The following COL9A3 variants were observed in gnomAD, a reference collection of about 807,000 sequenced individuals.
The protein encoded by COL9A3 is collagen alpha-3(IX) chain.
COL9A3 carries 82 observed loss-of-function variants against 110.2 expected under a neutral mutation model. The ratio of observed to expected loss-of-function variants is 0.74; its 90% confidence interval spans 0.62 to 0.89. The LOEUF is 0.89. Ranked by LOEUF, COL9A3 falls within the 40% of genes least tolerant of loss-of-function variation. The probability of loss-of-function intolerance (pLI) is 0.00; values close to 1 mark genes in which losing one functional copy is unlikely to be tolerated. For missense variants in COL9A3, 1,066 were observed against 981.3 expected, an observed-to-expected ratio of 1.09 and a Z score of -1.15; for synonymous variants, 494 against 403.8, an observed-to-expected ratio of 1.22 and a Z score of -2.68.
chr20:62,839,894 C>CA (rs2147233917), intron 31 of COL9A3, among the ~76,000 whole-genome samples: 1 of 152,282 alleles, frequency 6.6e-6, no homozygotes, highest in South Asian at 2.1e-4. Context: ...CTGGGTGCCC[C>CA]ATGCTCCTGG....
rs11554627 is a variant in COL9A3, at chr20:62,836,285, G to A, written c.1500G>A (p.Leu500=). ...CCGGGCCCCCCGGTCCTCTGGGCCT[G>A]CAGGGCGTCCCGGGTGTTCCTGGCA... is the stretch of plus-strand genomic sequence containing the variant. ...GVPGPPGPLG[L]QGVPGVPGIT... is the part of the protein sequence containing the mutation. Residue 500 remains leucine, a synonymous_variant, in exon 28 of 32, where the codon CTG becomes CTA. Transcript: ENST00000649368. 6 of 1,613,738 alleles carry A rather than the reference G, an allele frequency of 3.7e-6. No homozygotes were observed. Among genetic ancestry groups the A allele is most frequent in the Non-Finnish European group, 5.1e-6 (6 of 1,180,032 alleles).
chr20:62,832,008 T>G, intron 24 of COL9A3, 146 bp from the exon 25 acceptor site: 1 of 837,864 alleles, frequency 1.2e-6, no homozygotes, highest in South Asian at 1.4e-5. Context: ...CCTTTGGGCC[T>G]GTGTCTGGGA....
intron 25 of COL9A3, chr20:62,832,811 T>A: frequency 2.4e-6 from 1 of 416,088 alleles, no homozygotes; most frequent in East Asian, 8.4e-5. Context: ...CAAACAAATG[T>A]CTTCCGTTTT....
At chr20:62,831,077 A>G (rs2147218814) in intron 24 of COL9A3, 1 of 152,388 alleles carries the variant, frequency 6.6e-6, no homozygotes, top group East Asian at 2.0e-4. Context: ...CTCAAGAGCC[A>G]CGCCTGCTCC....
chr20:62,838,580 TG>T, intron 30 of COL9A3, 103 bp from the exon 31 acceptor site: 1 of 1,066,712 alleles, frequency 9.4e-7, no homozygotes, highest in Non-Finnish European at 1.4e-6. Flanking sequence ...TCCACTTCAG[TG>T]AAAAGCTGGC....
chr20:62,831,893 G>A (rs924825122), intron 24 of COL9A3: 17 of 557,870 alleles, frequency 3.0e-5, no homozygotes, highest in Middle Eastern at 3.9e-4. Flanking sequence ...ACACCCGCAC[G>A]AATTCACGGG....
chr20:62,816,590 C>A (rs1718173342), upstream of COL9A3, among the ~76,000 whole-genome samples: 1 of 152,118 alleles, frequency 6.6e-6, no homozygotes. Context: ...GCCCTGGTAC[C>A]GGGGATTCAC....
chr20:62,816,772 G>T (rs756447341), upstream of COL9A3, among the ~76,000 whole-genome samples: 166 of 152,214 alleles, frequency 1.1e-3, 1 homozygote, highest in Non-Finnish European at 1.9e-3. Flanking sequence ...AGAGAAAAGA[G>T]CGTCTTTCTC....
chr20:62,828,533 G>A (rs1035444963), intron 17 of COL9A3, among the ~76,000 whole-genome samples: 1 of 152,242 alleles, frequency 6.6e-6, no homozygotes, highest in African/African-American at 2.4e-5. Context: ...TCGGGCGTCA[G>A]CACTGCATCA....
intron 5 of COL9A3, among the ~76,000 whole-genome samples, chr20:62,820,350 C>A (rs1991079488): frequency 6.6e-6 from 1 of 152,164 alleles, no homozygotes; most frequent in Non-Finnish European, 1.5e-5. Context: ...CTGTGCCTGC[C>A]TGTTGGACAC....
rs117347229 is a variant in COL9A3, at chr20:62,821,485, G to A, written c.346-22G>A. The A allele has an allele frequency of 0.099, 159,313 of 1,612,528 alleles. 8,618 individuals are homozygous for A. Among genetic ancestry groups the A allele is most frequent in the Middle Eastern group, 0.15 (904 of 6,058 alleles). On this transcript the variant is annotated intron_variant, in intron 6 of 31. Coordinates refer to ENST00000649368, the MANE Select transcript of COL9A3 (RefSeq NM_001853.4). ...GCCCTTCTTGTGCCTGGCAGGCTCTGACCCCATGTTTGGCTTTGCAGGGCA... is the reference window on the plus strand; with the variant it reads ...GCCCTTCTTGTGCCTGGCAGGCTCTAACCCCATGTTTGGCTTTGCAGGGCA...
At chr20:62,819,161 T>C in intron 3 of COL9A3, 61 bp from the exon 4 acceptor site, 1 of 1,532,860 alleles carries the variant, frequency 6.5e-7, no homozygotes, top group Non-Finnish European at 9.0e-7. Context: ...GCTTCATTGC[T>C]GAAGGCCTGG....
intron 31 of COL9A3, among the ~76,000 whole-genome samples, chr20:62,839,779 C>T (rs886254250): frequency 1.2e-4 from 17 of 140,986 alleles, no homozygotes; most frequent in Non-Finnish European, 1.5e-5. Flanking sequence ...CCCCACCTCT[C>T]CCTGGGTGCC....
chr20:62,839,822 G>C (rs111396615), intron 31 of COL9A3, among the ~76,000 whole-genome samples: 7 of 134,102 alleles, frequency 5.2e-5, no homozygotes, highest in Non-Finnish European at 9.7e-5. Flanking sequence ...ATGCACGCAC[G>C]CTGCTCTCTG....
Position 62,833,018 on chromosome 20 carries a change from A to G in COL9A3, c.1324-2A>G. ...TTTAACTTTGGGGTGTATCGTTTTCAGGGTATTGCAGGTTCCGACGGTCTT... is the reference window on the plus strand; with the variant it reads ...TTTAACTTTGGGGTGTATCGTTTTCGGGGTATTGCAGGTTCCGACGGTCTT... On this transcript the variant is annotated splice_acceptor_variant, in intron 25 of 31. Transcript: ENST00000649368. LOFTEE classifies it high-confidence loss of function. The G allele has an allele frequency of 6.2e-7, 1 of 1,613,716 alleles. No homozygotes were observed. Among genetic ancestry groups the G allele is most frequent in the Non-Finnish European group, 8.5e-7 (1 of 1,179,688 alleles).
intron 24 of COL9A3, chr20:62,831,946 A>G (rs2063600409): frequency 3.1e-6 from 2 of 640,384 alleles, no homozygotes; most frequent in Admixed American, 2.4e-5. Flanking sequence ...ACTACCCACA[A>G]GGGGAGGCTG....
At chr20:62,821,475 G>C in intron 6 of COL9A3, 32 bp from the exon 7 acceptor site, 3 of 1,612,858 alleles carry the variant, frequency 1.9e-6, no homozygotes. Context: ...TCTTGTGCCT[G>C]GCAGGCTCTG....
At chr20:62,832,685 G>A (rs576524554) in intron 25 of COL9A3, among the ~76,000 whole-genome samples, 61 of 139,580 alleles carry the variant, frequency 4.4e-4, no homozygotes, top group African/African-American at 1.3e-3. Flanking sequence ...TGGCTGCCCC[G>A]CCCTCCTGCA....
At chr20:62,829,022 G>A in intron 19 of COL9A3, 46 bp downstream of exon 19, 1 of 1,555,562 alleles carries the variant, frequency 6.4e-7, no homozygotes, top group Non-Finnish European at 8.7e-7. Flanking sequence ...CACAGCTTCT[G>A]CCTGCTCAGT....
Sources: gnomAD v4.1 joint callset for allele counts (sites outside exome capture counted in the v4.1 genomes callset) on GRCh38, gnomAD v4.1.1 for gene constraint, MANE v1.5 for transcripts, NCBI Gene and HGNC (gene_info 2026-07-23, HGNC 2026-07-21) for gene names.